Variants in DLG2 observed in about 807,000 individuals in gnomAD.
The protein encoded by DLG2 is disks large homolog 2.
In DLG2, 45 loss-of-function variants were observed where a neutral mutation model predicts 132.5. The ratio of observed to expected loss-of-function variants is 0.34; its 90% confidence interval spans 0.27 to 0.44. DLG2 has a LOEUF of 0.44. Among genes scored for constraint, DLG2 ranks in the 20% least tolerant of loss-of-function variants. DLG2 has a pLI of 1.00. For missense variants in DLG2, 1,045 were observed against 1,196.9 expected (o/e 0.87, Z 1.87); for synonymous variants, 424 against 419.6 (o/e 1.01, Z -0.13).
At chr11:85,229,077 T>C (rs1003914060) in intron 4 of DLG2, among the ~76,000 whole-genome samples, 1 of 151,904 alleles carries the variant, frequency 6.6e-6, no homozygotes, top group Non-Finnish European at 1.5e-5. Context: ...CCACTTCACA[T>C]ACATCACATA....
intron 3 of DLG2, among the ~76,000 whole-genome samples, chr11:85,593,809 T>A (rs2079537936): frequency 6.6e-6 from 1 of 152,182 alleles, no homozygotes; most frequent in Admixed American, 6.5e-5. Flanking sequence ...GGGTTTTTTT[T>A]ACTCAAACTA....
At chr11:83,634,416 A>G (rs2064263570) in intron 18 of DLG2, among the ~76,000 whole-genome samples, 2 of 152,316 alleles carry the variant, frequency 1.3e-5, no homozygotes, top group South Asian at 4.1e-4. Context: ...AGAAACTTCT[A>G]TCATTTCCTT....
At chr11:83,752,255 G>A (rs1470291948) in intron 18 of DLG2, among the ~76,000 whole-genome samples, 3 of 150,324 alleles carry the variant, frequency 2.0e-5, no homozygotes, top group Non-Finnish European at 3.0e-5. Flanking sequence ...TTGACAGAGC[G>A]AGACTCTGTC....
At chr11:84,179,411 T>C (rs1194020286) in intron 8 of DLG2, among the ~76,000 whole-genome samples, 4 of 152,088 alleles carry the variant, frequency 2.6e-5, no homozygotes, top group African/African-American at 9.7e-5. Flanking sequence ...TCACCAATTA[T>C]CAGAGCAAAA....
At chr11:85,059,841 C>T (rs562279611) in intron 6 of DLG2, among the ~76,000 whole-genome samples, 17 of 151,582 alleles carry the variant, frequency 1.1e-4, no homozygotes, top group Non-Finnish European at 2.1e-4. Flanking sequence ...ATTCATCAAG[C>T]TATGCACCCT....
intron 21 of DLG2, among the ~76,000 whole-genome samples, chr11:83,499,605 C>G (rs1413600318): frequency 6.6e-6 from 1 of 150,578 alleles, no homozygotes; most frequent in East Asian, 2.0e-4. Context: ...CCTTTCAACA[C>G]CCTCTACACT....
At chr11:84,410,908 A>T (rs2098898832) in intron 7 of DLG2, among the ~76,000 whole-genome samples, 1 of 152,112 alleles carries the variant, frequency 6.6e-6, no homozygotes, top group African/African-American at 2.4e-5. Flanking sequence ...GAGCTTATGG[A>T]TCTTATGTTA....
chr11:83,619,979 T>C (rs1429079793), intron 19 of DLG2, among the ~76,000 whole-genome samples: 1 of 152,206 alleles, frequency 6.6e-6, no homozygotes, highest in African/African-American at 2.4e-5. Context: ...GAGAATTAGA[T>C]TTTCATGTTA....
intron 18 of DLG2, among the ~76,000 whole-genome samples, chr11:83,739,512 T>G (rs908572067): frequency 2.6e-5 from 4 of 151,672 alleles, no homozygotes; most frequent in African/African-American, 9.7e-5. Flanking sequence ...GAAAGATAAC[T>G]CAATAGAAAA....
At chr11:85,341,137 G>A (rs1322763002) in intron 3 of DLG2, among the ~76,000 whole-genome samples, 2 of 83,214 alleles carry the variant, frequency 2.4e-5, no homozygotes, top group Admixed American at 1.1e-4. Flanking sequence ...TTTGTTTTTT[G>A]AGACAGAGCC....
At position 84,284,802 on chromosome 11, in the gene DLG2, C is replaced by T. The variant is rs76169347; in HGVS notation, c.520-33511G>A. On this transcript the variant is annotated intron_variant, in intron 7 of 27. Transcript: ENST00000376104. ...AGTATTAAGAATTTAATATGCCTCTCCCCCTACTTGCTTTCTTGACACTTT... is the reference window on the plus strand; with the variant it reads ...AGTATTAAGAATTTAATATGCCTCTTCCCCTACTTGCTTTCTTGACACTTT... Among the ~76,000 whole-genome samples the T allele has an allele frequency of 2.9e-3, 436 of 152,270 alleles. 1 individual carries two copies. Among genetic ancestry groups the T allele is most frequent in the African/African-American group, 1.0e-2 (414 of 41,544 alleles).
intron 6 of DLG2, among the ~76,000 whole-genome samples, chr11:85,027,944 C>T (rs2060677497): frequency 6.6e-6 from 1 of 152,172 alleles, no homozygotes; most frequent in African/African-American, 2.4e-5. Context: ...CTTTCAGTCC[C>T]ACCATTTGGC....
At chr11:85,489,449 A>G (rs1565572919) in intron 3 of DLG2, among the ~76,000 whole-genome samples, 1 of 152,212 alleles carries the variant, frequency 6.6e-6, no homozygotes, top group Non-Finnish European at 1.5e-5. Context: ...GGGACAGTAA[A>G]ACAATAATAG....
chr11:84,731,114 CTTCCT>C (rs1294251046), intron 6 of DLG2, among the ~76,000 whole-genome samples: 1 of 152,036 alleles, frequency 6.6e-6, no homozygotes, highest in Non-Finnish European at 1.5e-5. Context: ...CTGGTGCTTT[CTTCCT>C]TTAATACAAG....
intron 6 of DLG2, among the ~76,000 whole-genome samples, chr11:84,795,342 G>A (rs143659240): frequency 3.2e-4 from 48 of 152,002 alleles, no homozygotes; most frequent in Admixed American, 1.4e-3. Flanking sequence ...ACCTACCTGC[G>A]GACAGGAGCT....
chr11:85,541,748 A>C (rs2075990405), intron 3 of DLG2, among the ~76,000 whole-genome samples: 2 of 152,066 alleles, frequency 1.3e-5, no homozygotes, highest in African/African-American at 4.8e-5. Context: ...ACTTCAGCCA[A>C]ATTCTGCATC....
At chr11:83,890,121 A>AT in intron 15 of DLG2, among the ~76,000 whole-genome samples, 2 of 152,182 alleles carry the variant, frequency 1.3e-5, no homozygotes, top group African/African-American at 4.8e-5. Context: ...AATAATAATA[A>AT]AAAAAGAAAT....
chr11:84,512,809 A>T (rs1446403469), intron 7 of DLG2, among the ~76,000 whole-genome samples: 3 of 152,154 alleles, frequency 2.0e-5, no homozygotes, highest in Non-Finnish European at 4.4e-5. Flanking sequence ...ACACAGCCAT[A>T]AAAAAGAATG....
At chr11:84,278,888 A>G (rs1052813261) in intron 7 of DLG2, among the ~76,000 whole-genome samples, 1 of 152,130 alleles carries the variant, frequency 6.6e-6, no homozygotes, top group Non-Finnish European at 1.5e-5. Context: ...ACAGATATAC[A>G]TGTGCCATGG....
Sources: gnomAD v4.1 joint callset for allele counts (sites outside exome capture counted in the v4.1 genomes callset) on GRCh38, gnomAD v4.1.1 for gene constraint, MANE v1.5 for transcripts, NCBI Gene and HGNC (gene_info 2026-07-23, HGNC 2026-07-21) for gene names.